WDFY1: variants seen among roughly 807,000 people sequenced by gnomAD.
WDFY1 encodes the protein WD repeat and FYVE domain-containing protein 1.
WDFY1 carries 32 observed loss-of-function variants against 56.4 expected under a neutral mutation model. That is an observed-to-expected ratio of 0.57 (90% confidence interval 0.43 to 0.76). The LOEUF (loss-of-function observed/expected upper bound fraction) is 0.76. WDFY1 is among the 30% of genes least tolerant of loss of function. The pLI is 0.00. For missense variants in WDFY1, 480 were observed against 545.7 expected, an observed-to-expected ratio of 0.88 and a Z score of 1.20; for synonymous variants, 192 against 197.3, an observed-to-expected ratio of 0.97 and a Z score of 0.23.
intron 10 of WDFY1, 24 bp from the exon 11 acceptor site, chr2:223,880,256 G>A: frequency 6.2e-7 from 1 of 1,608,134 alleles, no homozygotes. Context: ...AGAGATCACT[G>A]AAAATTTACT....
intron 8 of WDFY1, among the ~76,000 whole-genome samples, chr2:223,888,017 C>T (rs1209721129): frequency 7.9e-5 from 12 of 152,140 alleles, no homozygotes; most frequent in Admixed American, 7.9e-4. Flanking sequence ...CCATGAAACA[C>T]ACATGCAACA....
chr2:223,942,782 G>A (rs1485667787), intron 1 of WDFY1, among the ~76,000 whole-genome samples: 1 of 133,742 alleles, frequency 7.5e-6, no homozygotes, highest in Non-Finnish European at 1.6e-5. Flanking sequence ...TGATCCACCC[G>A]CCTCGGCCTC....
In WDFY1 at chr2:223,936,564, T is replaced by C. The variant is rs1195435607; in HGVS notation, c.137+8584A>G. Among the ~76,000 whole-genome samples the C allele has an allele frequency of 2.0e-5, 3 of 152,252 alleles. No individual in the cohort carries two copies. The East Asian group carries it at 5.8e-4, about 29-fold the overall frequency. ...ATGAGGACAAACACTAGGGTAATTATGGGCAGGTGGGCAGAAAAGAGTTCC... is the reference window on the plus strand; with the variant it reads ...ATGAGGACAAACACTAGGGTAATTACGGGCAGGTGGGCAGAAAAGAGTTCC... On this transcript the variant is annotated intron_variant, in intron 1 of 11. Coordinates refer to ENST00000233055, the MANE Select transcript of WDFY1 (RefSeq NM_020830.5).
rs1427142863 is a variant in WDFY1 at position 223,933,348 on chromosome 2, T to G, written c.137+11800A>C. Among the ~76,000 whole-genome samples, 4 of 5,050 alleles carry G rather than the reference T, an allele frequency of 7.9e-4. No individual in the cohort carries two copies. The Non-Finnish European group carries it at 0.011, about 13-fold the overall frequency. 3.3% of individuals were successfully genotyped at this position (5,050 alleles called of 152,430 possible). Reference sequence around the variant, plus strand: ...CCAGATTGGCTGAAAACCTGCAGATTTTTTTTTTTTTTTTTTACTCCAAAC... The same window carrying G: ...CCAGATTGGCTGAAAACCTGCAGATGTTTTTTTTTTTTTTTTACTCCAAAC... On this transcript the variant is annotated intron_variant, in intron 1 of 11. Coordinates refer to ENST00000233055, the MANE Select transcript of WDFY1 (RefSeq NM_020830.5).
At chr2:223,924,332 T>C (rs1335055021) in intron 1 of WDFY1, among the ~76,000 whole-genome samples, 1 of 152,202 alleles carries the variant, frequency 6.6e-6, no homozygotes, top group East Asian at 1.9e-4. Flanking sequence ...ATGTTATACA[T>C]ATATAACTTA....
chr2:223,898,587 G>C (rs951403423), intron 6 of WDFY1, among the ~76,000 whole-genome samples: 2 of 152,028 alleles, frequency 1.3e-5, no homozygotes, highest in Non-Finnish European at 2.9e-5. Flanking sequence ...TGTATTCTTA[G>C]TAGAGAGGCA....
chr2:223,901,134 T>G, intron 5 of WDFY1, 49 bp downstream of exon 5: 20 of 1,574,870 alleles, frequency 1.3e-5, no homozygotes, highest in Non-Finnish European at 1.6e-5. Context: ...AACCAAACAC[T>G]GAGAAGCAGA....
rs1692980140 is a variant in WDFY1 at position 223,876,784 on chromosome 2, T to C, written c.*1887A>G. 2 of 152,208 alleles carry C rather than the reference T, an allele frequency of 1.3e-5. No individual in the cohort carries two copies. 9.4% of individuals were successfully genotyped at this position (152,208 alleles called of 1,614,324 possible). A position where few individuals can be genotyped will look rare whatever the true frequency, so the allele number is the denominator to read the frequency against. ...GGAAAACAAAACCACAGTTCTGCAC[T>C]CTTCCACAGGGCAAGGAATTGATCA... On this transcript the variant is annotated 3_prime_UTR_variant, in exon 12 of 12. Coordinates refer to ENST00000233055, the MANE Select transcript of WDFY1 (RefSeq NM_020830.5).
chr2:223,889,681 A>G (rs1469122153), intron 8 of WDFY1, among the ~76,000 whole-genome samples: 1 of 152,134 alleles, frequency 6.6e-6, no homozygotes, highest in Non-Finnish European at 1.5e-5. Flanking sequence ...TCCTTTATAA[A>G]TTACCCAGTC....
chr2:223,895,499 C>T lies in WDFY1; in HGVS notation c.725+5G>A, dbSNP rs780058951. ...CTTTCCCCACCCCCACAAGTGGTCACGCACTGATGGCCCTGAAGTAACAGC... is the reference window on the plus strand; with the variant it reads ...CTTTCCCCACCCCCACAAGTGGTCATGCACTGATGGCCCTGAAGTAACAGC... On this transcript the variant is annotated splice_donor_5th_base_variant and intron_variant, in intron 7 of 11. Transcript: ENST00000233055. 1.9e-6 allele frequency: 3 copies of T among 1,613,756 alleles called. No individual in the cohort carries two copies. Among genetic ancestry groups the T allele is most frequent in the Non-Finnish European group, 2.5e-6 (3 of 1,179,846 alleles).
intron 1 of WDFY1, 22 bp downstream of exon 1, chr2:223,945,126 C>T (rs757185376): frequency 1.9e-6 from 3 of 1,571,662 alleles, no homozygotes; most frequent in South Asian, 2.3e-5. Context: ...TTCGGGCCGC[C>T]CCGGCTGCGC....
intron 6 of WDFY1, among the ~76,000 whole-genome samples, chr2:223,896,155 CAAAAAAAAAAAAAA>C (rs71058956): frequency 1.5e-4 from 6 of 39,838 alleles, no homozygotes; most frequent in African/African-American, 6.3e-4. Flanking sequence ...GACTCTGTCT[CAAAAAAAAAAAAAA>C]AAAAAAAAAA....
intron 1 of WDFY1, among the ~76,000 whole-genome samples, chr2:223,942,583 C>T (rs1261488675): frequency 1.9e-5 from 2 of 105,378 alleles, no homozygotes; most frequent in African/African-American, 3.8e-5. Context: ...GGCCGGACTG[C>T]GGACTGCAGT....
At chr2:223,884,542 A>C in intron 9 of WDFY1, 106 bp downstream of exon 9, 1 of 1,005,568 alleles carries the variant, frequency 9.9e-7, no homozygotes, top group Admixed American at 1.9e-5. Flanking sequence ...TGTAGGAATT[A>C]ATAGCATTTG....
chr2:223,880,624 A>AG lies in WDFY1; in HGVS notation c.1065-393_1065-392insC, dbSNP rs1366693465. ...TCAGTCTCAAAAAAAAAAAAAAAAAAAAAGTAAATGCTTATGATAATAGTG... is the reference window on the plus strand; with the variant it reads ...TCAGTCTCAAAAAAAAAAAAAAAAAAGAAAGTAAATGCTTATGATAATAGTG... On this transcript the variant is annotated intron_variant, in intron 10 of 11. Transcript: ENST00000233055. 9.5e-5 allele frequency among the ~76,000 whole-genome samples: 14 copies of AG among 147,374 alleles called. 1 individual carries two copies. Among genetic ancestry groups the AG allele is most frequent in the South Asian group, 2.1e-4 (1 of 4,704 alleles).
Position 223,918,010 on chromosome 2 carries a change from T to A in WDFY1, c.138A>T (p.Arg46Ser), listed in dbSNP as rs1308690841. 6.2e-7 allele frequency: 1 copy of A among 1,613,630 alleles called. No individual in the cohort carries two copies. Among genetic ancestry groups the A allele is most frequent in the Non-Finnish European group, 8.5e-7 (1 of 1,179,928 alleles). ...CTCTTTTCAGCCATACCCGGATGGT[T>A]CTGTGGAGAAAAGAAAAGAAAAAAT... ...EDGVITASED[R>S]TIRVWLKRDS... The change falls in exon 2 of 12, where the codon AGA becomes AGT. Residue 46 changes from arginine to serine, a missense_variant and splice_region_variant. Transcript: ENST00000233055.
rs1004406341 is a variant in WDFY1 at position 223,934,807 on chromosome 2, C to T, written c.137+10341G>A. Reference sequence around the variant, plus strand: ...AAGTGCTGGGGTTACAGGCATGAGCCATTGCGCCCAGCCAGAAAAAGTTTA... The same window carrying T: ...AAGTGCTGGGGTTACAGGCATGAGCTATTGCGCCCAGCCAGAAAAAGTTTA... On this transcript the variant is annotated intron_variant, in intron 1 of 11. Coordinates refer to ENST00000233055, the MANE Select transcript of WDFY1 (RefSeq NM_020830.5). Among the ~76,000 whole-genome samples, 4 of 152,358 alleles carry T rather than the reference C, an allele frequency of 2.6e-5. No homozygotes were observed. In the East Asian group the frequency reaches 5.8e-4, roughly 22 times the overall value.
At chr2:223,900,447 CTGT>C (rs1302592194) in intron 5 of WDFY1, among the ~76,000 whole-genome samples, 1 of 152,150 alleles carries the variant, frequency 6.6e-6, no homozygotes, top group African/African-American at 2.4e-5. Context: ...GGGTGTCTGC[CTGT>C]TGTTGATAAC....
intron 2 of WDFY1, among the ~76,000 whole-genome samples, chr2:223,915,033 G>GAACT (rs1693764558): frequency 6.6e-6 from 1 of 152,196 alleles, no homozygotes; most frequent in Admixed American, 6.5e-5. Flanking sequence ...ATAGCTTTTA[G>GAACT]AACTAACATG....
Sources: allele counts gnomAD v4.1 joint callset (sites outside exome capture counted in the v4.1 genomes callset), GRCh38; gene constraint gnomAD v4.1.1; transcripts MANE v1.5; gene names NCBI Gene and HGNC (gene_info 2026-07-23, HGNC 2026-07-21).